Variants in B3GALT1 observed in about 807,000 individuals in gnomAD.
B3GALT1 encodes the protein UDP-Gal:betaGlcNAc beta 1,3-galactosyltransferase, polypeptide 1.
A neutral mutation model predicts 23.2 loss-of-function variants in B3GALT1; 10 were observed. That is an observed-to-expected ratio of 0.43 (90% confidence interval 0.27 to 0.73). The LOEUF (loss-of-function observed/expected upper bound fraction) is 0.73. B3GALT1 is among the 30% of genes least tolerant of loss of function. B3GALT1 has a pLI of 0.21. For missense variants in B3GALT1, 299 were observed against 405.4 expected, an observed-to-expected ratio of 0.74 and a Z score of 2.25; for synonymous variants, 156 against 141.5, an observed-to-expected ratio of 1.10 and a Z score of -0.73.
In B3GALT1 at chr2:167,548,685, A is replaced by AGTGTGTGTGTGTGTGT. The variant is rs71031297; in HGVS notation, c.-410+58425_-410+58440dup. On this transcript the variant is annotated intron_variant, in intron 2 of 4. Transcript: ENST00000392690. ...GATTGCCTGTCCAGACGTGTGTGTG[A>AGTGTGTGTGTGTGTGT]GTGTGTGTGTGTGTGTGTGTGTGTG... Among the ~76,000 whole-genome samples the AGTGTGTGTGTGTGTGT allele has an allele frequency of 4.4e-4, 64 of 144,810 alleles. 2 individuals are homozygous for AGTGTGTGTGTGTGTGT. In the South Asian group the frequency reaches 8.7e-3, roughly 20 times the overall value.
intron 1 of B3GALT1, among the ~76,000 whole-genome samples, chr2:167,348,508 C>G (rs1697259334): frequency 1.3e-5 from 2 of 152,130 alleles, no homozygotes; most frequent in Admixed American, 6.5e-5. Context: ...TGATAAGAGT[C>G]TGAGATGCTT....
chr2:167,847,329 T>TGATAGGCCATAC lies in B3GALT1; in HGVS notation c.-229-21481_-229-21470dup, dbSNP rs528806498. 1.3e-3 allele frequency among the ~76,000 whole-genome samples: 191 copies of TGATAGGCCATAC among 152,348 alleles called. 1 individual carries two copies. Among genetic ancestry groups the TGATAGGCCATAC allele is most frequent in the African/African-American group, 4.4e-3 (182 of 41,584 alleles). ...GGAACTTTCTCCAAGATAGGTCATA[T>TGATAGGCCATAC]GATAGGCCATACAACAAGTCTCAAT... On this transcript the variant is annotated intron_variant, in intron 4 of 4. Transcript: ENST00000392690.
chr2:167,468,223 A>T (rs1699376100), intron 1 of B3GALT1, among the ~76,000 whole-genome samples: 1 of 152,210 alleles, frequency 6.6e-6, no homozygotes, highest in Non-Finnish European at 1.5e-5. Context: ...CAATTTTTCA[A>T]AGTAAATTAC....
intron 1 of B3GALT1, among the ~76,000 whole-genome samples, chr2:167,424,885 C>T (rs1374405989): frequency 2.0e-5 from 3 of 152,256 alleles, no homozygotes; most frequent in South Asian, 2.1e-4. Flanking sequence ...TGCCTTGGGG[C>T]GAGCATAGGA....
chr2:167,536,332 G>A (rs1683425594), intron 2 of B3GALT1, among the ~76,000 whole-genome samples: 1 of 152,084 alleles, frequency 6.6e-6, no homozygotes, highest in African/African-American at 2.4e-5. Context: ...GGGAGGGAGG[G>A]AAGAGGGAAT....
intron 2 of B3GALT1, among the ~76,000 whole-genome samples, chr2:167,532,647 G>T (rs1258656395): frequency 1.3e-5 from 2 of 151,720 alleles, no homozygotes; most frequent in Non-Finnish European, 2.9e-5. Flanking sequence ...TCACATATAT[G>T]TTATGCTTAT....
At chr2:167,572,638 T>C (rs1343670581) in intron 2 of B3GALT1, among the ~76,000 whole-genome samples, 1 of 151,844 alleles carries the variant, frequency 6.6e-6, no homozygotes, top group African/African-American at 2.4e-5. Context: ...CATCTGCCGA[T>C]TGAGGTCACT....
At chr2:167,369,954 T>C (rs1456983992) in intron 1 of B3GALT1, among the ~76,000 whole-genome samples, 1 of 152,202 alleles carries the variant, frequency 6.6e-6, no homozygotes, top group African/African-American at 2.4e-5. Context: ...CAATTAAATA[T>C]AAATAGTAAG....
intron 1 of B3GALT1, among the ~76,000 whole-genome samples, chr2:167,377,670 G>T (rs772110409): frequency 1.3e-5 from 2 of 151,918 alleles, no homozygotes; most frequent in Admixed American, 6.6e-5. Flanking sequence ...TTCTGTTTGT[G>T]GGGTAGATCT....
intron 3 of B3GALT1, among the ~76,000 whole-genome samples, chr2:167,787,058 C>T (rs1688353935): frequency 1.3e-5 from 2 of 152,168 alleles, no homozygotes; most frequent in African/African-American, 4.8e-5. Flanking sequence ...TGATTATGGC[C>T]TGGTCCGTCT....
chr2:167,418,939 A>G (rs2140500), intron 1 of B3GALT1, among the ~76,000 whole-genome samples: 142,123 of 152,262 alleles, frequency 0.93, 66,794 homozygotes, highest in Non-Finnish European at 0.99. Flanking sequence ...ATTGCCTTTG[A>G]TAAATGCATG....
In B3GALT1 at chr2:167,391,048, A is replaced by T. The variant is rs151228997; in HGVS notation, c.-511+97714A>T. 1.2e-4 allele frequency among the ~76,000 whole-genome samples: 18 copies of T among 152,342 alleles called. No individual in the cohort carries two copies. The East Asian group carries it at 3.5e-3, about 29-fold the overall frequency. ...TGCTTTAAGATTTCTCACCTCTGCC[A>T]CCTAGAATTATTGAAGGGAGAGGAA... On this transcript the variant is annotated intron_variant, in intron 1 of 4. Coordinates refer to ENST00000392690, the MANE Select transcript of B3GALT1 (RefSeq NM_020981.4).
intron 1 of B3GALT1, among the ~76,000 whole-genome samples, chr2:167,346,747 G>T (rs5836137): frequency 0.14 from 880 of 6,294 alleles, 7 homozygotes; most frequent in Non-Finnish European, 0.31. Flanking sequence ...TGTGTGTGTG[G>T]GGGGGGGGTG....
chr2:167,533,387 G>T (rs1683364792), intron 2 of B3GALT1, among the ~76,000 whole-genome samples: 1 of 151,600 alleles, frequency 6.6e-6, no homozygotes, highest in South Asian at 2.1e-4. Flanking sequence ...TACTTTTTAA[G>T]AATCTATTAA....
chr2:167,559,773 T>A (rs950179894), intron 2 of B3GALT1, among the ~76,000 whole-genome samples: 4 of 151,992 alleles, frequency 2.6e-5, no homozygotes, highest in South Asian at 2.1e-4. Context: ...TAAAAAGAAA[T>A]GAACAAAGCC....
chr2:167,520,633 C>G lies in B3GALT1; in HGVS notation c.-410+30356C>G, dbSNP rs568228653. On this transcript the variant is annotated intron_variant, in intron 2 of 4. Transcript: ENST00000392690. The stretch of plus-strand genomic sequence containing the variant: ...ATGACTTTTGCTCTTGATTGGTTTG[C>G]TTTTGCTTTGCCTGGATGACTTCTA... 5.9e-5 allele frequency among the ~76,000 whole-genome samples: 9 copies of G among 152,304 alleles called. No individual in the cohort carries two copies. In the East Asian group the frequency reaches 1.5e-3, roughly 26 times the overall value.
intron 1 of B3GALT1, among the ~76,000 whole-genome samples, chr2:167,319,299 C>T (rs1336479636): frequency 1.3e-5 from 2 of 152,076 alleles, no homozygotes; most frequent in African/African-American, 2.4e-5. Context: ...ATGTTCCCTG[C>T]TTTCCTCACT....
intron 2 of B3GALT1, among the ~76,000 whole-genome samples, chr2:167,537,560 A>G (rs1348140869): frequency 2.6e-5 from 4 of 152,100 alleles, no homozygotes; most frequent in African/African-American, 9.7e-5. Flanking sequence ...TAGAACAATA[A>G]TCCACGTAGA....
chr2:167,617,078 T>C (rs1006416746), intron 2 of B3GALT1, among the ~76,000 whole-genome samples: 1 of 152,090 alleles, frequency 6.6e-6, no homozygotes, highest in Non-Finnish European at 1.5e-5. Flanking sequence ...CTAGTGACTA[T>C]ATGCTATCAT....
Sources: gnomAD v4.1 joint callset for allele counts (sites outside exome capture counted in the v4.1 genomes callset) on GRCh38, gnomAD v4.1.1 for gene constraint, MANE v1.5 for transcripts, NCBI Gene and HGNC (gene_info 2026-07-23, HGNC 2026-07-21) for gene names.